The following EXOC6B variants were observed in gnomAD, a reference collection of about 807,000 sequenced individuals.
The protein encoded by EXOC6B is exocyst complex component 6B.
Under a neutral mutation model 113.5 loss-of-function variants are expected in EXOC6B, and 54 were observed. The observed-to-expected ratio is 0.48, with a 90% CI of 0.38 to 0.60. The LOEUF is 0.60. EXOC6B is among the 20% of genes least tolerant of loss of function. The pLI, the probability that EXOC6B is intolerant of heterozygous loss-of-function variation, is 0.00. For missense variants in EXOC6B, 797 were observed against 977.5 expected, an observed-to-expected ratio of 0.82 and a Z score of 2.46; for synonymous variants, 357 against 339.0, an observed-to-expected ratio of 1.05 and a Z score of -0.58.
intron 18 of EXOC6B, among the ~76,000 whole-genome samples, chr2:72,430,547 T>C (rs1449327365): frequency 6.6e-6 from 1 of 152,178 alleles, no homozygotes; most frequent in Non-Finnish European, 1.5e-5. Flanking sequence ...CTTGGGAGAC[T>C]AGAGCAGCAG....
intron 18 of EXOC6B, among the ~76,000 whole-genome samples, chr2:72,394,070 A>T (rs547571323): frequency 2.0e-5 from 3 of 152,294 alleles, no homozygotes; most frequent in Non-Finnish European, 2.9e-5. Context: ...AATAAAAATA[A>T]ATCTTATGTA....
chr2:72,746,227 C>A (rs1001179163), intron 1 of EXOC6B, among the ~76,000 whole-genome samples: 6 of 151,946 alleles, frequency 3.9e-5, no homozygotes, highest in Non-Finnish European at 5.9e-5. Flanking sequence ...ATAAACTGCA[C>A]CACTAGTTTA....
At chr2:72,260,265 A>T (rs1683632770) in intron 20 of EXOC6B, among the ~76,000 whole-genome samples, 1 of 152,180 alleles carries the variant, frequency 6.6e-6, no homozygotes, top group Non-Finnish European at 1.5e-5. Flanking sequence ...GGGGGATGCT[A>T]TGGTCCATGG....
intron 6 of EXOC6B, among the ~76,000 whole-genome samples, chr2:72,646,253 A>C (rs1205791825): frequency 2.6e-5 from 4 of 152,252 alleles, no homozygotes; most frequent in Admixed American, 2.6e-4. Context: ...GAAGAAGTTG[A>C]ATCTCTGAAT....
rs1236496955 is a variant in EXOC6B at position 72,387,914 on chromosome 2, T to C, written c.1981-8044A>G. On this transcript the variant is annotated intron_variant, in intron 18 of 21. Transcript: ENST00000272427. ...GCTTCATAAGACAAAACTTGGACTT[T>C]GATTTTGGATCTTACTTTTCTTATA... 3.3e-5 allele frequency among the ~76,000 whole-genome samples: 5 copies of C among 152,316 alleles called. No homozygotes were observed. The East Asian group carries it at 5.8e-4, about 18-fold the overall frequency.
At chr2:72,331,723 A>T (rs1688424959) in intron 20 of EXOC6B, among the ~76,000 whole-genome samples, 1 of 152,148 alleles carries the variant, frequency 6.6e-6, no homozygotes, top group South Asian at 2.1e-4. Flanking sequence ...AAACTCAGAA[A>T]TCTGACAAAT....
chr2:72,222,320 G>A (rs1270555452), intron 20 of EXOC6B, among the ~76,000 whole-genome samples: 2 of 152,124 alleles, frequency 1.3e-5, no homozygotes, highest in African/African-American at 4.8e-5. Flanking sequence ...GATCGCAAAA[G>A]GCTTTCTACA....
chr2:72,672,546 C>CA (rs60924280), intron 6 of EXOC6B, among the ~76,000 whole-genome samples: 1 of 88,564 alleles, frequency 1.1e-5, no homozygotes, highest in Admixed American at 1.3e-4. Context: ...GACTCTGTCT[C>CA]AAAAAAAAAA....
chr2:72,329,300 A>G (rs1688304472), intron 20 of EXOC6B, among the ~76,000 whole-genome samples: 1 of 152,100 alleles, frequency 6.6e-6, no homozygotes, highest in Admixed American at 6.6e-5. Flanking sequence ...GCTTCCTGTT[A>G]ACAGTTTAAT....
intron 18 of EXOC6B, among the ~76,000 whole-genome samples, chr2:72,408,138 C>T (rs1423845174): frequency 6.6e-6 from 1 of 152,066 alleles, no homozygotes; most frequent in Admixed American, 6.5e-5. Context: ...GAATAAAATA[C>T]CTAGGAATCC....
At chr2:72,205,356 T>C (rs575042105) in intron 20 of EXOC6B, among the ~76,000 whole-genome samples, 11 of 143,020 alleles carry the variant, frequency 7.7e-5, no homozygotes, top group African/African-American at 2.9e-4. Flanking sequence ...TATTTTATGC[T>C]TAAAGTAGAA....
At chr2:72,367,740 T>G in intron 19 of EXOC6B, among the ~76,000 whole-genome samples, 1 of 151,442 alleles carries the variant, frequency 6.6e-6, no homozygotes, top group African/African-American at 2.4e-5. Context: ...AGAGGGAGAG[T>G]GCAGCAACTG....
intron 20 of EXOC6B, among the ~76,000 whole-genome samples, chr2:72,245,414 CTGGACATCACCCCACATGTA>C (rs2104522620): frequency 9.1e-6 from 1 of 109,420 alleles, no homozygotes; most frequent in South Asian, 2.1e-4. Flanking sequence ...CCTGGAACAA[CTGGACATCACCCCACATGTA>C]TGGACAGACA....
chr2:72,223,561 T>C (rs980995639), intron 20 of EXOC6B, among the ~76,000 whole-genome samples: 2 of 152,230 alleles, frequency 1.3e-5, no homozygotes, highest in African/African-American at 4.8e-5. Context: ...TTTGTGTATA[T>C]ATCATCTAAT....
In EXOC6B at chr2:72,696,332, G is replaced by A. The variant is rs572623522; in HGVS notation, c.669+21771C>T. Among the ~76,000 whole-genome samples the A allele has an allele frequency of 2.6e-5, 4 of 152,290 alleles. No individual in the cohort carries two copies. The South Asian group carries it at 8.3e-4, about 32-fold the overall frequency. ...AATATTCCTGTGGTTTGTAAATAATGCTAATAGTAGCACATGTAAATGACA... is the reference window on the plus strand; with the variant it reads ...AATATTCCTGTGGTTTGTAAATAATACTAATAGTAGCACATGTAAATGACA... On this transcript the variant is annotated intron_variant, in intron 6 of 21. Coordinates refer to ENST00000272427, the MANE Select transcript of EXOC6B (RefSeq NM_015189.3).
intron 1 of EXOC6B, among the ~76,000 whole-genome samples, chr2:72,792,104 A>T (rs183168292): frequency 6.6e-6 from 1 of 152,354 alleles, no homozygotes; most frequent in East Asian, 1.9e-4. Context: ...ACCTTTCTCA[A>T]GATACATCTC....
intron 1 of EXOC6B, among the ~76,000 whole-genome samples, chr2:72,753,131 C>T (rs1387331014): frequency 6.6e-6 from 1 of 151,890 alleles, no homozygotes. Flanking sequence ...CTCGGCTGGG[C>T]ATGGTGGCAT....
intron 7 of EXOC6B, among the ~76,000 whole-genome samples, chr2:72,565,558 T>C (rs561177998): frequency 2.0e-5 from 3 of 151,982 alleles, no homozygotes; most frequent in African/African-American, 4.8e-5. Context: ...TACATTATTA[T>C]AGGTAAAGAA....
At chr2:72,335,572 A>G (rs1688649835) in intron 19 of EXOC6B, among the ~76,000 whole-genome samples, 1 of 151,336 alleles carries the variant, frequency 6.6e-6, no homozygotes, top group African/African-American at 2.4e-5. Flanking sequence ...ACACACACAC[A>G]CACACACACA....
Sources: gnomAD v4.1 joint callset for allele counts (sites outside exome capture counted in the v4.1 genomes callset) on GRCh38, gnomAD v4.1.1 for gene constraint, MANE v1.5 for transcripts, NCBI Gene and HGNC (gene_info 2026-07-23, HGNC 2026-07-21) for gene names.